SPHKAP: variants seen among roughly 807,000 people sequenced by gnomAD.
SPHKAP encodes A-kinase anchor protein SPHKAP.
A neutral mutation model predicts 137.5 loss-of-function variants in SPHKAP; 67 were observed. The observed-to-expected ratio is 0.49, with a 90% CI of 0.40 to 0.60. The LOEUF is 0.60. SPHKAP is among the 20% of genes least tolerant of loss of function. The pLI is 0.00. For synonymous variants in SPHKAP, 813 were observed against 785.3 expected, an observed-to-expected ratio of 1.04 and a Z score of -0.59; for missense variants, 2,097 against 2,069.3, an observed-to-expected ratio of 1.01 and a Z score of -0.26.
chr2:227,999,259 T>G (rs1693756206), intron 7 of SPHKAP, among the ~76,000 whole-genome samples: 1 of 152,164 alleles, frequency 6.6e-6, no homozygotes, highest in Non-Finnish European at 1.5e-5. Context: ...CTGCTAACAC[T>G]TTGTGAAAGA....
intron 3 of SPHKAP, among the ~76,000 whole-genome samples, chr2:228,066,418 G>T (rs762545104): frequency 2.0e-5 from 3 of 151,982 alleles, no homozygotes; most frequent in Non-Finnish European, 4.4e-5. Context: ...CTCTCCCTTG[G>T]GTCTCACCTT....
intron 1 of SPHKAP, among the ~76,000 whole-genome samples, chr2:228,133,596 A>G (rs1699335460): frequency 6.6e-6 from 1 of 152,198 alleles, no homozygotes; most frequent in Non-Finnish European, 1.5e-5. Flanking sequence ...ATTCACTAAC[A>G]TGTACTTTTG....
rs58161634 is a variant in SPHKAP at position 228,030,383 on chromosome 2, G to A, written c.247-2840C>T. Among the ~76,000 whole-genome samples the A allele has an allele frequency of 2.5e-3, 377 of 151,324 alleles. 3 individuals are homozygous for A. Among genetic ancestry groups the A allele is most frequent in the African/African-American group, 8.1e-3 (335 of 41,296 alleles). On this transcript the variant is annotated intron_variant, in intron 3 of 11. Coordinates refer to ENST00000392056, the MANE Select transcript of SPHKAP (RefSeq NM_001142644.2). ...ACAAAAAACAGCCGGGTGTGGTGGC[G>A]CACACCTGTATTCCCAGCTACTCAG...
At chr2:228,160,349 C>T (rs1262527470) in intron 1 of SPHKAP, among the ~76,000 whole-genome samples, 2 of 152,118 alleles carry the variant, frequency 1.3e-5, no homozygotes, top group Non-Finnish European at 2.9e-5. Flanking sequence ...TAAAGAACTG[C>T]CTGAGACTGG....
chr2:228,181,434 T>G lies in SPHKAP; in HGVS notation c.32+133A>C. ...AGGCTGGGCCGGACTTATTTACAAG[T>G]GCAGTGACCCCTGTCTCCTCGCTGG... On this transcript the variant is annotated intron_variant, in intron 1 of 11. Transcript: ENST00000392056. This position sits in a 1 kb window ranked among gnomAD's most constrained non-coding sequence, Gnocchi z 4.3. 1 of 1,246,272 alleles carries G rather than the reference T, an allele frequency of 8.0e-7. No homozygotes were observed. Among genetic ancestry groups the G allele is most frequent in the Non-Finnish European group, 1.2e-6 (1 of 850,864 alleles). 77.2% of individuals were successfully genotyped at this position (1,246,272 alleles called of 1,614,324 possible). A position where few individuals can be genotyped will look rare whatever the true frequency, so the allele number is the denominator to read the frequency against.
At position 228,003,082 on chromosome 2, in the gene SPHKAP, T is replaced by C. The variant is rs577158945; in HGVS notation, c.4449-7388A>G. Among the ~76,000 whole-genome samples the C allele has an allele frequency of 1.6e-3, 238 of 152,278 alleles. 1 individual carries two copies. The highest frequency in any genetic ancestry group is 5.5e-3 in the African/African-American group (229 of 41,560). On this transcript the variant is annotated intron_variant, in intron 7 of 11. Transcript: ENST00000392056. The stretch of plus-strand genomic sequence containing the variant: ...TTTTGGTTCCATGTGAACTTTAAAG[T>C]AGTTTTTTCCAATCTGTGAAGAAAG...
chr2:228,169,028 ACT>A (rs1215470788), intron 1 of SPHKAP, among the ~76,000 whole-genome samples: 2 of 152,098 alleles, frequency 1.3e-5, no homozygotes, highest in African/African-American at 2.4e-5. Flanking sequence ...CAAGGCCCTC[ACT>A]CTCTTCAATT....
intron 3 of SPHKAP, among the ~76,000 whole-genome samples, chr2:228,072,737 A>G (rs1422863356): frequency 1.3e-5 from 2 of 152,208 alleles, no homozygotes; most frequent in South Asian, 4.1e-4. Context: ...TGCTGGAAAG[A>G]ACACTTGAAG....
At chr2:228,092,035 A>G (rs925554341) in intron 3 of SPHKAP, among the ~76,000 whole-genome samples, 6 of 151,762 alleles carry the variant, frequency 4.0e-5, no homozygotes, top group Admixed American at 2.0e-4. Flanking sequence ...CCATCAATCA[A>G]TAAGTGGATA....
At chr2:228,094,287 T>C (rs904667598) in intron 3 of SPHKAP, among the ~76,000 whole-genome samples, 1 of 152,236 alleles carries the variant, frequency 6.6e-6, no homozygotes, top group Non-Finnish European at 1.5e-5. Flanking sequence ...CTGGCTTTAC[T>C]ACTAATTTAC....
At chr2:228,117,887 T>G (rs12612009) in intron 2 of SPHKAP, among the ~76,000 whole-genome samples, 51,030 of 149,776 alleles carry the variant, frequency 0.34, 8,990 homozygotes, top group East Asian at 0.5. Flanking sequence ...TTTTATTGGT[T>G]CATTGAAAAG....
At chr2:228,092,144 T>C (rs199509160) in intron 3 of SPHKAP, among the ~76,000 whole-genome samples, 13 of 100,892 alleles carry the variant, frequency 1.3e-4, no homozygotes, top group East Asian at 6.3e-4. Flanking sequence ...TGTGTACACA[T>C]ATATACATAT....
chr2:228,117,294 GAC>G (rs1698743724), intron 2 of SPHKAP, among the ~76,000 whole-genome samples: 1 of 152,070 alleles, frequency 6.6e-6, no homozygotes, highest in Admixed American at 6.6e-5. Context: ...TTTCGAATGA[GAC>G]ACAAATTATT....
At chr2:228,097,757 G>A (rs1202519816) in intron 3 of SPHKAP, among the ~76,000 whole-genome samples, 1 of 152,124 alleles carries the variant, frequency 6.6e-6, no homozygotes, top group Non-Finnish European at 1.5e-5. Flanking sequence ...ACAACATGTG[G>A]TAGTTAGCTC....
At chr2:228,034,305 A>G (rs1244436804) in intron 3 of SPHKAP, among the ~76,000 whole-genome samples, 3 of 152,226 alleles carry the variant, frequency 2.0e-5, no homozygotes, top group African/African-American at 7.2e-5. Context: ...TCCTCGACAT[A>G]TACACCCTCC....
At position 228,127,388 on chromosome 2, in the gene SPHKAP, AAAG is replaced by A. The variant is rs1170130526; in HGVS notation, c.138+4589_138+4591del. On this transcript the variant is annotated intron_variant, in intron 2 of 11. Transcript: ENST00000392056. Reference sequence around the variant, plus strand: ...TATTGGGTGCTTTTGTTCTGGATACAAAGAAGAAGAAAACATTGGTGAACTACT... The same window carrying A: ...TATTGGGTGCTTTTGTTCTGGATACAAAGAAGAAAACATTGGTGAACTACT... Among the ~76,000 whole-genome samples, 7 of 152,336 alleles carry A rather than the reference AAAG, an allele frequency of 4.6e-5. No homozygotes were observed. In the East Asian group the frequency reaches 7.7e-4, roughly 17 times the overall value.
intron 11 of SPHKAP, among the ~76,000 whole-genome samples, chr2:227,984,295 A>C (rs1327529070): frequency 2.1e-5 from 3 of 140,236 alleles, no homozygotes; most frequent in Non-Finnish European, 4.6e-5. Flanking sequence ...GTGAGACTCC[A>C]TCTCAAAAAA....
chr2:228,007,532 CT>C (rs35657109), intron 7 of SPHKAP, among the ~76,000 whole-genome samples: 1 of 152,056 alleles, frequency 6.6e-6, no homozygotes, highest in South Asian at 2.1e-4. Context: ...ATGAGTTTGA[CT>C]TTTTAAGATT....
chr2:227,993,395 C>T (rs1693492831), intron 9 of SPHKAP, 139 bp downstream of exon 9: 1 of 774,820 alleles, frequency 1.3e-6, no homozygotes, highest in Non-Finnish European at 2.1e-6. Context: ...GGCTTGAATT[C>T]TTCCTCCAGT....
Sources: allele counts gnomAD v4.1 joint callset (sites outside exome capture counted in the v4.1 genomes callset), GRCh38; gene constraint gnomAD v4.1.1; non-coding constraint Gnocchi (gnomAD v3.1); transcripts MANE v1.5; gene names NCBI Gene and HGNC (gene_info 2026-07-23, HGNC 2026-07-21).